AFF3: variants seen among roughly 807,000 people sequenced by gnomAD.
AFF3 encodes AF4/FMR2 family member 3.
In AFF3, 32 loss-of-function variants were observed where a neutral mutation model predicts 129.7. The ratio of observed to expected loss-of-function variants is 0.25; its 90% CI spans 0.19 to 0.33. The LOEUF (loss-of-function observed/expected upper bound fraction) is 0.33, where lower values mean the gene tolerates loss of function less well. Ranked by LOEUF, AFF3 falls within the 10% of genes least tolerant of loss-of-function variation. The pLI is 1.00. For synonymous variants in AFF3, 644 were observed against 635.4 expected (o/e 1.01, Z -0.20); for missense variants, 1,373 against 1,592.0 (o/e 0.86, Z 2.34).
intron 7 of AFF3, among the ~76,000 whole-genome samples, chr2:99,924,317 T>A (rs906382204): frequency 6.6e-6 from 1 of 152,174 alleles, no homozygotes; most frequent in Admixed American, 6.5e-5. Context: ...CCAACACAAA[T>A]CTTAAATATC....
intron 12 of AFF3, among the ~76,000 whole-genome samples, chr2:99,652,100 A>C (rs953697607): frequency 4.6e-5 from 7 of 152,174 alleles, no homozygotes; most frequent in African/African-American, 1.7e-4. Context: ...GTCAGTACAT[A>C]TCTGCTGAGT....
chr2:99,920,175 AG>A (rs1165886420), intron 7 of AFF3, among the ~76,000 whole-genome samples: 1 of 152,100 alleles, frequency 6.6e-6, no homozygotes, highest in Non-Finnish European at 1.5e-5. Flanking sequence ...ACAGTGTCTT[AG>A]AAAATGAAGG....
At chr2:99,893,422 A>C (rs1391114787) in intron 7 of AFF3, among the ~76,000 whole-genome samples, 1 of 152,194 alleles carries the variant, frequency 6.6e-6, no homozygotes, top group Non-Finnish European at 1.5e-5. Context: ...CCCTAACCCC[A>C]GTGTGATGGG....
Position 99,837,561 on chromosome 2 carries a change from T to C in AFF3, c.874-37A>G, listed in dbSNP as rs756136522. On this transcript the variant is annotated intron_variant, in intron 7 of 24. Coordinates refer to ENST00000672756, the MANE Select transcript of AFF3 (RefSeq NM_001386135.1). ...GAAAAAAAAATTAAGCCTGATGGAA[T>C]AGATTGATGACCACACAGAAGACAT... The C allele has an allele frequency of 1.5e-5, 24 of 1,587,546 alleles. No individual in the cohort carries two copies. In the Middle Eastern group the frequency reaches 5.0e-4, roughly 33 times the overall value.
At chr2:99,972,607 G>C (rs1157728716) in intron 7 of AFF3, among the ~76,000 whole-genome samples, 1 of 152,172 alleles carries the variant, frequency 6.6e-6, no homozygotes, top group Non-Finnish European at 1.5e-5. Context: ...GGCATTTTTA[G>C]GTGCCAAGGA....
intron 1 of AFF3, among the ~76,000 whole-genome samples, chr2:100,141,051 C>A (rs779789268): frequency 5.9e-5 from 9 of 152,118 alleles, no homozygotes; most frequent in Non-Finnish European, 1.3e-4. Context: ...ATGTTCCAGG[C>A]ACTTGTCTAA....
intron 4 of AFF3, among the ~76,000 whole-genome samples, chr2:100,046,846 A>G (rs1685874655): frequency 6.6e-6 from 1 of 152,162 alleles, no homozygotes; most frequent in African/African-American, 2.4e-5. Context: ...GCTGTGTAAA[A>G]GTGAGGGCAG....
chr2:100,056,707 G>C (rs1213691828), intron 4 of AFF3, among the ~76,000 whole-genome samples: 5 of 151,964 alleles, frequency 3.3e-5, no homozygotes, highest in Admixed American at 1.3e-4. Flanking sequence ...GTTCTGTTTT[G>C]TCCATGTCAT....
chr2:100,083,100 A>G (rs182113707), intron 4 of AFF3, among the ~76,000 whole-genome samples: 1 of 152,350 alleles, frequency 6.6e-6, no homozygotes, highest in East Asian at 1.9e-4. Context: ...CAAAAAAAGG[A>G]TAAAATAAAA....
intron 7 of AFF3, among the ~76,000 whole-genome samples, chr2:99,984,121 T>C (rs1679644219): frequency 1.3e-5 from 2 of 151,794 alleles, no homozygotes; most frequent in South Asian, 4.1e-4. Context: ...TCTTTTATTT[T>C]TTAATTTCAC....
At chr2:99,880,733 A>C (rs1462411298) in intron 7 of AFF3, among the ~76,000 whole-genome samples, 1 of 152,198 alleles carries the variant, frequency 6.6e-6, no homozygotes, top group Non-Finnish European at 1.5e-5. Flanking sequence ...CTGGAATAAT[A>C]GTGAGGGTGT....
In AFF3 at chr2:99,550,048, G is replaced by C. The variant is rs771834440; in HGVS notation, c.*1426C>G. 4.4e-6 allele frequency: 1 copy of C among 227,650 alleles called. No homozygotes were observed. Among genetic ancestry groups the C allele is most frequent in the Non-Finnish European group, 8.7e-6 (1 of 114,586 alleles). The allele number at this position is 227,650 out of a possible 1,614,324, so 14.1% of individuals were successfully genotyped here. A position where few individuals can be genotyped will look rare whatever the true frequency, so the allele number is the denominator to read the frequency against. On this transcript the variant is annotated 3_prime_UTR_variant, in exon 25 of 25. Transcript: ENST00000672756. ...GCAAGATAGACCCTCTTTTTCAGGA[G>C]TTATTTTCTTTTCGTCAAGATTTCA...
chr2:99,703,552 C>T (rs953852569), intron 11 of AFF3, among the ~76,000 whole-genome samples: 1 of 152,176 alleles, frequency 6.6e-6, no homozygotes, highest in South Asian at 2.1e-4. Flanking sequence ...TGTATTTAGA[C>T]CATTTACATT....
At chr2:99,995,407 C>T (rs563775968) in intron 7 of AFF3, among the ~76,000 whole-genome samples, 1 of 151,702 alleles carries the variant, frequency 6.6e-6, no homozygotes, top group South Asian at 2.1e-4. Flanking sequence ...GAGTCTTGCT[C>T]TGTCACCCAG....
chr2:99,826,995 A>G (rs1312057502), intron 8 of AFF3, among the ~76,000 whole-genome samples: 6 of 151,980 alleles, frequency 3.9e-5, no homozygotes, highest in Non-Finnish European at 8.8e-5. Context: ...GAGGAACTGA[A>G]CATGGTGAGT....
intron 7 of AFF3, among the ~76,000 whole-genome samples, chr2:99,999,946 C>A (rs567597021): frequency 6.6e-6 from 1 of 152,164 alleles, no homozygotes; most frequent in Non-Finnish European, 1.5e-5. Context: ...CACAGCCCAC[C>A]CTTTGGTCAG....
At chr2:99,596,215 C>T (rs1018702452) in intron 14 of AFF3, among the ~76,000 whole-genome samples, 1 of 152,174 alleles carries the variant, frequency 6.6e-6, no homozygotes, top group African/African-American at 2.4e-5. Flanking sequence ...ATCATGACCT[C>T]GCTTTATTTG....
intron 8 of AFF3, among the ~76,000 whole-genome samples, chr2:99,782,081 A>G (rs1002997377): frequency 2.6e-5 from 4 of 152,192 alleles, no homozygotes; most frequent in African/African-American, 9.7e-5. Context: ...GAAACCTGAA[A>G]GGGTTTTTTC....
intron 11 of AFF3, among the ~76,000 whole-genome samples, chr2:99,695,071 C>G (rs76820226): frequency 1.3e-5 from 2 of 152,166 alleles, no homozygotes; most frequent in South Asian, 4.1e-4. Flanking sequence ...ATATATTTCA[C>G]TCAATCCAAT....
Sources: gnomAD v4.1 joint callset for allele counts (sites outside exome capture counted in the v4.1 genomes callset) on GRCh38, gnomAD v4.1.1 for gene constraint, MANE v1.5 for transcripts, NCBI Gene and HGNC (gene_info 2026-07-23, HGNC 2026-07-21) for gene names.